The following ZNF544 variants were observed in gnomAD, a reference collection of about 807,000 sequenced individuals.
ZNF544 encodes zinc finger protein AF020591.
In ZNF544, 10 loss-of-function variants were observed where a neutral mutation model predicts 13.5. The ratio of observed to expected loss-of-function variants is 0.74; its 90% confidence interval spans 0.46 to 1.25. The LOEUF (loss-of-function observed/expected upper bound fraction) is 1.25. Ranked by LOEUF, ZNF544 falls within the 50% of genes most tolerant of loss-of-function variation. The pLI is 0.00. For synonymous variants in ZNF544, 323 were observed against 300.5 expected, an observed-to-expected ratio of 1.07 and a Z score of -0.77; for missense variants, 896 against 845.6, an observed-to-expected ratio of 1.06 and a Z score of -0.74.
rs1471405320 is a variant in ZNF544 at position 58,245,483 on chromosome 19, G to A, written c.34-818G>A. On this transcript the variant is annotated intron_variant, in intron 4 of 6. Coordinates refer to ENST00000687789, the MANE Select transcript of ZNF544 (RefSeq NM_014480.4). ...TGCCTGGCTAATTTTTGTATTTTTA[G>A]TAGAGACGGGGTTTCACCATGTTGG... 3.3e-5 allele frequency among the ~76,000 whole-genome samples: 5 copies of A among 151,286 alleles called. No homozygotes were observed. The East Asian group carries it at 9.9e-4, about 30-fold the overall frequency.
At position 58,262,320 on chromosome 19, in the gene ZNF544, G is replaced by A. The variant is rs567785937; in HGVS notation, c.1714G>A (p.Gly572Arg). Residue 572 changes from glycine to arginine, a missense_variant, in exon 7 of 7, where the codon GGA becomes AGA. By Grantham distance (125) the Gly-to-Arg change is moderately radical. Transcript: ENST00000687789. ...CGTCATACATCAGAGAATTCATACT[G>A]GAGAGAAACCGTACGATTGCACTCA... ...NLVIHQRIHT[G>R]EKPYDCTHCG... The A allele has an allele frequency of 5.0e-6, 8 of 1,613,928 alleles. No individual in the cohort carries two copies. The highest frequency in any genetic ancestry group is 6.8e-6 in the Non-Finnish European group (8 of 1,180,002).
At chr19:58,246,838 T>C in intron 6 of ZNF544, 44 bp downstream of exon 6, 1 of 1,592,610 alleles carries the variant, frequency 6.3e-7, no homozygotes, top group Non-Finnish European at 8.6e-7. Flanking sequence ...TTTAACAAGC[T>C]TGGACAGAGA....
chr19:58,260,195 A>G (rs563530660), intron 6 of ZNF544, among the ~76,000 whole-genome samples: 2 of 152,304 alleles, frequency 1.3e-5, no homozygotes, highest in Non-Finnish European at 2.9e-5. Context: ...CTTAGAACAT[A>G]CATACTTTTT....
intron 6 of ZNF544, among the ~76,000 whole-genome samples, chr19:58,253,408 A>G (rs955783147): frequency 1.3e-5 from 2 of 152,192 alleles, no homozygotes; most frequent in Non-Finnish European, 2.9e-5. Flanking sequence ...ATAACTCAGA[A>G]GATTCAGCTA....
At chr19:58,236,502 CA>C (rs35110851) in intron 3 of ZNF544, among the ~76,000 whole-genome samples, 27,821 of 106,808 alleles carry the variant, frequency 0.26, 3,117 homozygotes, top group East Asian at 0.41. Context: ...AACTGTGTCT[CA>C]AAAAAAAAAA....
chr19:58,236,976 A>G (rs919805811), intron 3 of ZNF544, among the ~76,000 whole-genome samples: 2 of 151,564 alleles, frequency 1.3e-5, no homozygotes, highest in Non-Finnish European at 2.9e-5. Context: ...CCTGACCTCA[A>G]GTGATCCACA....
In ZNF544 at chr19:58,261,320, G is replaced by T; in HGVS notation, c.714G>T (p.Lys238Asn). 1 of 1,614,134 alleles carries T rather than the reference G, an allele frequency of 6.2e-7. No individual in the cohort carries two copies. Among genetic ancestry groups the T allele is most frequent in the South Asian group, 1.1e-5 (1 of 91,072 alleles). The change falls in exon 7 of 7, where the codon AAG (lysine) becomes AAT (asparagine). Residue 238 changes from lysine (K) to asparagine (N), a missense_variant. By Grantham distance (94) the Lys-to-Asn change is moderately conservative. Transcript: ENST00000687789. ...LSKLGNVETG[K>N]KNPYEYIVSG... ...AACTTGGAAACGTTGAAACAGGAAA[G>T]AAAAACCCTTATGAATATATTGTCA... is the stretch of plus-strand genomic sequence containing the variant.
intron 6 of ZNF544, among the ~76,000 whole-genome samples, chr19:58,276,648 A>G (rs762649668): frequency 3.0e-4 from 46 of 152,058 alleles, no homozygotes; most frequent in Non-Finnish European, 6.3e-4. Context: ...TTGTATTTGT[A>G]TTAGAGACAA....
chr19:58,266,496 C>T (rs976112067), downstream of ZNF544: 2 of 111,944 alleles, frequency 1.8e-5, no homozygotes, highest in Non-Finnish European at 3.3e-5. Context: ...GCCTGGGCGA[C>T]AGAGTGAGAC....
intron 5 of ZNF544, among the ~76,000 whole-genome samples, chr19:58,273,946 C>T (rs903326769): frequency 6.6e-6 from 1 of 151,722 alleles, no homozygotes; most frequent in African/African-American, 2.4e-5. Flanking sequence ...CAGGCGCATG[C>T]CACCACACCC....
intron 5 of ZNF544, among the ~76,000 whole-genome samples, chr19:58,273,418 C>T (rs559671361): frequency 3.3e-5 from 5 of 152,104 alleles, no homozygotes; most frequent in East Asian, 3.9e-4. Flanking sequence ...AGGCCGGGAA[C>T]GATGGCTCAC....
At chr19:58,242,365 C>A in intron 3 of ZNF544, 3 of 789,266 alleles carry the variant, frequency 3.8e-6, no homozygotes, top group Non-Finnish European at 4.6e-6. Flanking sequence ...CAATTCATGG[C>A]TTGATACTTG....
At chr19:58,277,293 A>G (rs1215268353) in exon 7 of ZNF544, 1 of 1,140,934 alleles carries the variant, frequency 8.8e-7, no homozygotes, top group African/African-American at 1.8e-5. Flanking sequence ...GAGTGTGGCC[A>G]GCTTGAGCCC....
chr19:58,229,942 T>A (rs1400029867), intron 2 of ZNF544: 1 of 152,646 alleles, frequency 6.6e-6, no homozygotes, highest in African/African-American at 2.4e-5. Flanking sequence ...AGACTGTGTT[T>A]CTGTTTCCAG....
At chr19:58,270,860 G>C (rs1189174186) in intron 5 of ZNF544, among the ~76,000 whole-genome samples, 4 of 152,102 alleles carry the variant, frequency 2.6e-5, no homozygotes, top group African/African-American at 9.7e-5. Flanking sequence ...AATATGAGAG[G>C]AATTGGCAGC....
chr19:58,263,556 T>C lies in ZNF544; in HGVS notation c.*802T>C. On this transcript the variant is annotated 3_prime_UTR_variant, in exon 7 of 7. Coordinates refer to ENST00000687789, the MANE Select transcript of ZNF544 (RefSeq NM_014480.4). ...CTCTCAGAGTGGGGCTTCATGACCATGTGCATCAGAATTGCCTGGAGTGTG... is the reference window on the plus strand; with the variant it reads ...CTCTCAGAGTGGGGCTTCATGACCACGTGCATCAGAATTGCCTGGAGTGTG... 5 of 985,472 alleles carry C rather than the reference T, an allele frequency of 5.1e-6. No individual in the cohort carries two copies. The highest frequency in any genetic ancestry group is 4.7e-5 in the South Asian group (1 of 21,288). The allele number at this position is 985,472 out of a possible 1,614,324, so 61.0% of individuals were successfully genotyped here.
downstream of ZNF544, among the ~76,000 whole-genome samples, chr19:58,264,921 T>A (rs1234796846): frequency 6.6e-6 from 1 of 151,846 alleles, no homozygotes; most frequent in Non-Finnish European, 1.5e-5. Context: ...GGAGTATTAC[T>A]TGAGCCTGGG....
intron 3 of ZNF544, among the ~76,000 whole-genome samples, chr19:58,234,630 G>A (rs182279571): frequency 3.2e-4 from 49 of 152,318 alleles, no homozygotes; most frequent in African/African-American, 1.1e-3. Context: ...AGCATTCTGC[G>A]AGCTGTCTGG....
intron 6 of ZNF544, among the ~76,000 whole-genome samples, chr19:58,253,960 G>A (rs77787277): frequency 0.014 from 2,087 of 152,116 alleles, 49 homozygotes; most frequent in African/African-American, 0.04. Flanking sequence ...TACTTAAGTC[G>A]GCTGGGTGCG....
Sources: allele counts gnomAD v4.1 joint callset (sites outside exome capture counted in the v4.1 genomes callset), GRCh38; gene constraint gnomAD v4.1.1; transcripts MANE v1.5; gene names NCBI Gene and HGNC (gene_info 2026-07-23, HGNC 2026-07-21).